The following NUDT6 variants were observed in gnomAD, a reference collection of about 807,000 sequenced individuals.
NUDT6 encodes nudix hydrolase 6.
NUDT6 carries 24 observed loss-of-function variants against 36.8 expected under a neutral mutation model. The ratio of observed to expected loss-of-function variants is 0.65; its 90% CI spans 0.47 to 0.92. The LOEUF (loss-of-function observed/expected upper bound fraction) is 0.92. NUDT6 is among the 40% of genes least tolerant of loss of function. The pLI is 0.00. For synonymous variants in NUDT6, 163 were observed against 157.0 expected, an observed-to-expected ratio of 1.04 and a Z score of -0.29; for missense variants, 388 against 392.8, an observed-to-expected ratio of 0.99 and a Z score of 0.10.
intron 4 of NUDT6, chr4:122,895,619 A>G (rs888874282): frequency 6.6e-6 from 1 of 152,196 alleles, no homozygotes; most frequent in African/African-American, 2.4e-5. Flanking sequence ...CAGTTTGTCA[A>G]TTTTAATCTT....
chr4:122,906,944 A>T (rs1005994962), intron 3 of NUDT6, among the ~76,000 whole-genome samples: 4 of 152,180 alleles, frequency 2.6e-5, no homozygotes, highest in African/African-American at 9.7e-5. Flanking sequence ...CCATGGTAAT[A>T]TCAGGAAGTT....
chr4:122,901,091 ACT>A (rs1376730092), intron 3 of NUDT6, among the ~76,000 whole-genome samples: 1 of 151,528 alleles, frequency 6.6e-6, no homozygotes, highest in South Asian at 2.1e-4. Context: ...GGAACTTTCC[ACT>A]CTCTTGTGAA....
chr4:122,911,548 G>T lies in NUDT6; in HGVS notation c.498+1020C>A, dbSNP rs1578497082. The stretch of plus-strand genomic sequence containing the variant: ...GACAAAAAGCTTAATTTGAATCAGA[G>T]ATCCTGCCTTAATGAAAACTTCAAA... On this transcript the variant is annotated intron_variant, in intron 3 of 4. Transcript: ENST00000304430. 2.0e-5 allele frequency among the ~76,000 whole-genome samples: 3 copies of T among 152,286 alleles called. No individual in the cohort carries two copies. The South Asian group carries it at 6.2e-4, about 32-fold the overall frequency.
At chr4:122,894,176 A>C (rs569432713) in intron 4 of NUDT6, 1 of 152,246 alleles carries the variant, frequency 6.6e-6, no homozygotes, top group East Asian at 1.9e-4. Flanking sequence ...GATGCATAGA[A>C]AGAGTATAAT....
At chr4:122,904,559 C>T (rs940490834) in intron 3 of NUDT6, among the ~76,000 whole-genome samples, 11 of 152,010 alleles carry the variant, frequency 7.2e-5, no homozygotes, top group African/African-American at 1.9e-4. Flanking sequence ...CAGGTTCAAG[C>T]GATTCTCCTG....
chr4:122,915,001 G>A (rs1023528950), intron 2 of NUDT6, among the ~76,000 whole-genome samples: 2 of 152,112 alleles, frequency 1.3e-5, no homozygotes, highest in African/African-American at 4.8e-5. Context: ...TGTGCAGGGA[G>A]AAGTCACTTC....
At chr4:122,896,798 T>G (rs1211473743) in intron 4 of NUDT6, 1 of 152,132 alleles carries the variant, frequency 6.6e-6, no homozygotes, top group Non-Finnish European at 1.5e-5. Context: ...TAAAGACAAT[T>G]TAGAAAATTG....
chr4:122,916,656 T>C (rs915054130), intron 2 of NUDT6, among the ~76,000 whole-genome samples: 22 of 152,234 alleles, frequency 1.4e-4, no homozygotes, highest in African/African-American at 4.6e-4. Context: ...GTCTGTCTAC[T>C]GATTGAGGCA....
Position 122,922,585 on chromosome 4 carries a change from T to G in NUDT6, c.-13A>C, listed in dbSNP as rs764246880. ...GTGGCTGCCGCATCTCCACGCCGCT[T>G]AATTCGTCCGTTGCCCAAATGACCC... is the stretch of plus-strand genomic sequence containing the variant. On this transcript the variant is annotated 5_prime_UTR_variant, in exon 1 of 5. Transcript: ENST00000304430. 5 of 1,586,276 alleles carry G rather than the reference T, an allele frequency of 3.2e-6. No individual in the cohort carries two copies. Among genetic ancestry groups the G allele is most frequent in the Middle Eastern group, 1.8e-4 (1 of 5,464 alleles).
chr4:122,921,800 AG>A (rs1728021989), intron 1 of NUDT6: 1 of 152,260 alleles, frequency 6.6e-6, no homozygotes, highest in Non-Finnish European at 1.5e-5. Context: ...AAAAAAGAAA[AG>A]CCTCTTTGGT....
chr4:122,899,658 C>A (rs1315529615), intron 3 of NUDT6, among the ~76,000 whole-genome samples: 4 of 152,006 alleles, frequency 2.6e-5, no homozygotes, highest in Non-Finnish European at 5.9e-5. Flanking sequence ...AATATAACAA[C>A]AACATTAAAA....
At chr4:122,904,215 A>G (rs11723769) in intron 3 of NUDT6, among the ~76,000 whole-genome samples, 69,010 of 151,942 alleles carry the variant, frequency 0.45, 17,595 homozygotes, top group Non-Finnish European at 0.57. Flanking sequence ...ATTGCATAAC[A>G]AAACTTTGTC....
chr4:122,903,761 A>AGGCTGCTTCAC (rs1290985392), intron 3 of NUDT6, among the ~76,000 whole-genome samples: 10 of 152,150 alleles, frequency 6.6e-5, no homozygotes, highest in African/African-American at 2.4e-4. Flanking sequence ...CACTGCTTCA[A>AGGCTGCTTCAC]GGCTGCTTCA....
At chr4:122,912,241 TA>T (rs1727745966) in intron 3 of NUDT6, among the ~76,000 whole-genome samples, 3 of 152,044 alleles carry the variant, frequency 2.0e-5, no homozygotes. Flanking sequence ...TGGCACAGAG[TA>T]GAAACTCATT....
chr4:122,905,999 G>A (rs1727609043), intron 3 of NUDT6, among the ~76,000 whole-genome samples: 1 of 152,192 alleles, frequency 6.6e-6, no homozygotes. Context: ...GAAGGGTGCT[G>A]CTTCTACTGG....
intron 2 of NUDT6, among the ~76,000 whole-genome samples, chr4:122,915,490 AAAAAAAAAC>A (rs1727817940): frequency 1.4e-5 from 2 of 140,636 alleles, no homozygotes; most frequent in African/African-American, 5.2e-5. Flanking sequence ...AAAAAAAAAA[AAAAAAAAAC>A]AACTCTGCAC....
intron 3 of NUDT6, among the ~76,000 whole-genome samples, chr4:122,907,379 C>T (rs1359696285): frequency 6.6e-6 from 1 of 152,018 alleles, no homozygotes; most frequent in African/African-American, 2.4e-5. Context: ...AAGTGATCCA[C>T]CTGCCTCAGC....
chr4:122,895,822 A>G (rs956271000), intron 4 of NUDT6: 1 of 152,256 alleles, frequency 6.6e-6, no homozygotes, highest in African/African-American at 2.4e-5. Flanking sequence ...TGTTTGAGCC[A>G]ATATAAATGT....
chr4:122,910,457 A>G (rs1304024058), intron 3 of NUDT6, among the ~76,000 whole-genome samples: 1 of 152,204 alleles, frequency 6.6e-6, no homozygotes, highest in Non-Finnish European at 1.5e-5. Context: ...GAATAATAAC[A>G]TGGCTAGATT....
Sources: gnomAD v4.1 joint callset for allele counts (sites outside exome capture counted in the v4.1 genomes callset) on GRCh38, gnomAD v4.1.1 for gene constraint, MANE v1.5 for transcripts, NCBI Gene and HGNC (gene_info 2026-07-23, HGNC 2026-07-21) for gene names.